ELMO2: variants seen among roughly 807,000 people sequenced by gnomAD.
ELMO2 encodes the protein engulfment and cell motility protein 2.
Under a neutral mutation model 96.2 loss-of-function variants are expected in ELMO2, and 37 were observed. The ratio of observed to expected loss-of-function variants is 0.38; its 90% CI spans 0.30 to 0.51. The LOEUF is 0.51. Among genes scored for constraint, ELMO2 ranks in the 20% least tolerant of loss-of-function variants. The probability of loss-of-function intolerance (pLI) is 0.88; values close to 1 mark genes in which losing one functional copy is unlikely to be tolerated. For synonymous variants in ELMO2, 315 were observed against 329.4 expected (o/e 0.96, Z 0.47); for missense variants, 561 against 912.6 (o/e 0.61, Z 4.96).
intron 1 of ELMO2, among the ~76,000 whole-genome samples, chr20:46,400,415 T>C (rs1263618906): frequency 6.6e-6 from 1 of 152,228 alleles, no homozygotes. Flanking sequence ...AGAAAGGAAG[T>C]AGAAATTAGG....
intron 1 of ELMO2, among the ~76,000 whole-genome samples, chr20:46,404,890 C>T (rs1440561213): frequency 6.6e-6 from 1 of 152,112 alleles, no homozygotes; most frequent in African/African-American, 2.4e-5. Context: ...ATATCTATGG[C>T]TCACATTACA....
rs149156983 is a variant in ELMO2, at chr20:46,383,136, C to A, written c.756+280G>T. Among the ~76,000 whole-genome samples the A allele has an allele frequency of 1.2e-4, 18 of 152,292 alleles. No individual in the cohort carries two copies. In the East Asian group the frequency reaches 3.5e-3, roughly 29 times the overall value. ...CAAGGTTGAGTAGCTATCACATAGACCATATGGCCCATAAAGTCAAACATA... is the reference window on the plus strand; with the variant it reads ...CAAGGTTGAGTAGCTATCACATAGAACATATGGCCCATAAAGTCAAACATA... On this transcript the variant is annotated intron_variant, in intron 10 of 21. Coordinates refer to ENST00000290246, the MANE Select transcript of ELMO2 (RefSeq NM_133171.5).
intron 1 of ELMO2, among the ~76,000 whole-genome samples, chr20:46,405,241 C>CGTGGG (rs2060409361): frequency 6.6e-6 from 1 of 152,140 alleles, no homozygotes; most frequent in African/African-American, 2.4e-5. Context: ...GGGTGATAAA[C>CGTGGG]GTGGGGTACT....
intron 1 of ELMO2, among the ~76,000 whole-genome samples, chr20:46,404,511 A>G (rs2060391982): frequency 6.6e-6 from 1 of 152,236 alleles, no homozygotes; most frequent in Non-Finnish European, 1.5e-5. Context: ...CTCTAGAATT[A>G]TCCCCGGCAG....
At chr20:46,388,932 G>T in intron 7 of ELMO2, 107 bp downstream of exon 7, 1 of 1,093,432 alleles carries the variant, frequency 9.1e-7, no homozygotes, top group South Asian at 1.5e-5. Context: ...GCACACAGGT[G>T]GTATTCAATA....
chr20:46,374,234 G>A (rs71351636), intron 15 of ELMO2, 98 bp downstream of exon 15: 71 of 847,156 alleles, frequency 8.4e-5, no homozygotes, highest in African/African-American at 1.4e-4. Context: ...GAACCACCAC[G>A]CCCGACCCCA....
chr20:46,386,881 A>G lies in ELMO2; in HGVS notation c.525+457T>C, dbSNP rs540545957. On this transcript the variant is annotated intron_variant, in intron 8 of 21. Transcript: ENST00000290246. ...TCCTTTGTGTAAAAGAAAGGAGGGT[A>G]AAACCAGAAGTACCCTCTCCTACCC... Among the ~76,000 whole-genome samples, 229 of 152,344 alleles carry G rather than the reference A, an allele frequency of 1.5e-3. 5 individuals carry two copies. Among genetic ancestry groups the G allele is most frequent in the Non-Finnish European group, 2.0e-3 (139 of 68,024 alleles).
Position 46,366,211 on chromosome 20 carries a change from TATATAA to T in ELMO2, c.*1143_*1148del, listed in dbSNP as rs1356291339. 1 of 152,690 alleles carries T rather than the reference TATATAA, an allele frequency of 6.5e-6. No individual in the cohort carries two copies. Among genetic ancestry groups the T allele is most frequent in the African/African-American group, 2.4e-5 (1 of 41,466 alleles). 9.5% of individuals were successfully genotyped at this position (152,690 alleles called of 1,614,324 possible). On this transcript the variant is annotated 3_prime_UTR_variant, in exon 22 of 22. Transcript: ENST00000290246. Reference sequence around the variant, plus strand: ...GTTCCATCCTAAGATAGGTAGATCTTATATAAATATATATACACGTCTGTATAAGTA... The same window carrying T: ...GTTCCATCCTAAGATAGGTAGATCTTATATATATACACGTCTGTATAAGTA...
In ELMO2 at chr20:46,370,426, C is replaced by T. The variant is rs937666152; in HGVS notation, c.1884+17G>A. On this transcript the variant is annotated intron_variant, in intron 20 of 21. Coordinates refer to ENST00000290246, the MANE Select transcript of ELMO2 (RefSeq NM_133171.5). ...AGTATCACTGGGCCAGCTACTCAAACTGGCCTCTCTACTCACCTTGTTCTG... is the reference window on the plus strand; with the variant it reads ...AGTATCACTGGGCCAGCTACTCAAATTGGCCTCTCTACTCACCTTGTTCTG... 2.5e-6 allele frequency: 4 copies of T among 1,613,222 alleles called. No homozygotes were observed. The South Asian group carries it at 3.3e-5, about 13-fold the overall frequency.
intron 10 of ELMO2, among the ~76,000 whole-genome samples, chr20:46,381,499 A>G (rs2059955354): frequency 6.6e-6 from 1 of 152,208 alleles, no homozygotes; most frequent in African/African-American, 2.4e-5. Flanking sequence ...TGCCAGGAAC[A>G]TTAAATTTTA....
At chr20:46,403,418 G>C (rs1322112140) in intron 1 of ELMO2, among the ~76,000 whole-genome samples, 1 of 152,206 alleles carries the variant, frequency 6.6e-6, no homozygotes, top group Non-Finnish European at 1.5e-5. Context: ...ATGCCTAATA[G>C]GGTTATAAAT....
At chr20:46,400,159 T>C (rs1400541056) in intron 1 of ELMO2, among the ~76,000 whole-genome samples, 2 of 151,982 alleles carry the variant, frequency 1.3e-5, no homozygotes, top group Admixed American at 6.5e-5. Context: ...AAAAATAAAA[T>C]AAAAAACTGT....
intron 4 of ELMO2, 109 bp downstream of exon 4, chr20:46,393,940 G>C (rs1381634658): frequency 6.9e-7 from 1 of 1,450,152 alleles, no homozygotes; most frequent in Non-Finnish European, 9.6e-7. Context: ...AGACCCCCAT[G>C]CTGAGGACCT....
In ELMO2 at chr20:46,371,281, C is replaced by T; in HGVS notation, c.1801+71G>A. ...ACAAGCCCAGATGATCAGCTACAAA[C>T]AGCTGGACTAGAACTCCTGTCTCCT... On this transcript the variant is annotated intron_variant, in intron 19 of 21. Coordinates refer to ENST00000290246, the MANE Select transcript of ELMO2 (RefSeq NM_133171.5). This position sits in a 1 kb window ranked among gnomAD's most constrained non-coding sequence, Gnocchi z 5.9. The T allele has an allele frequency of 6.8e-7, 1 of 1,468,612 alleles. No homozygotes were observed. The highest frequency in any genetic ancestry group is 9.5e-7 in the Non-Finnish European group (1 of 1,053,550). 91.0% of individuals were successfully genotyped at this position (1,468,612 alleles called of 1,614,324 possible). A position where few individuals can be genotyped will look rare whatever the true frequency, so the allele number is the denominator to read the frequency against.
Position 46,375,829 on chromosome 20 carries a change from A to G in ELMO2, c.808-39T>C, listed in dbSNP as rs2059849862. ...AGGCAGGGAGCAGGGGACTGAACTG[A>G]TCTCTTTTAATGAAGGGCCACATCC... On this transcript the variant is annotated intron_variant, in intron 11 of 21. Coordinates refer to ENST00000290246, the MANE Select transcript of ELMO2 (RefSeq NM_133171.5). The surrounding 1 kb of genome is among the most constrained non-coding windows in gnomAD (Gnocchi z 4.6). The G allele has an allele frequency of 6.2e-7, 1 of 1,611,958 alleles. No individual in the cohort carries two copies. Among genetic ancestry groups the G allele is most frequent in the South Asian group, 1.1e-5 (1 of 90,906 alleles).
intron 2 of ELMO2, among the ~76,000 whole-genome samples, chr20:46,397,060 A>C (rs188090828): frequency 6.6e-6 from 1 of 152,352 alleles, no homozygotes; most frequent in African/African-American, 2.4e-5. Flanking sequence ...GCTAAAGCTC[A>C]TTAGGTTATA....
chr20:46,384,252 T>G (rs1341201943), intron 9 of ELMO2, among the ~76,000 whole-genome samples: 2 of 152,340 alleles, frequency 1.3e-5, no homozygotes, highest in South Asian at 4.1e-4. Flanking sequence ...TATTTTATTA[T>G]GAACAAACAA....
chr20:46,399,788 G>T (rs2060305666), intron 1 of ELMO2, among the ~76,000 whole-genome samples: 2 of 152,150 alleles, frequency 1.3e-5, no homozygotes, highest in South Asian at 4.1e-4. Context: ...AACAGACAGG[G>T]ACAGGCATGA....
In ELMO2 at chr20:46,373,381, C is replaced by T; in HGVS notation, c.1416+18G>A. 1.2e-6 allele frequency: 2 copies of T among 1,613,842 alleles called. No homozygotes were observed. Among genetic ancestry groups the T allele is most frequent in the Non-Finnish European group, 8.5e-7 (1 of 1,179,806 alleles). On this transcript the variant is annotated intron_variant, in intron 16 of 21. Coordinates refer to ENST00000290246, the MANE Select transcript of ELMO2 (RefSeq NM_133171.5). ...TGGTCTCCTCCCGTGGGCCTCAGAG[C>T]AGCCCGGAGACACTGACCTTGTTGA...
Sources: gnomAD v4.1 joint callset for allele counts (sites outside exome capture counted in the v4.1 genomes callset) on GRCh38, gnomAD v4.1.1 for gene constraint, Gnocchi (gnomAD v3.1) non-coding constraint, MANE v1.5 for transcripts, NCBI Gene and HGNC (gene_info 2026-07-23, HGNC 2026-07-21) for gene names.